The following GRID1 variants were observed in gnomAD, a reference collection of about 807,000 sequenced individuals.
The protein encoded by GRID1 is glutamate receptor ionotropic, delta-1.
A neutral mutation model predicts 98.0 loss-of-function variants in GRID1; 28 were observed. That is an observed-to-expected ratio of 0.29 (90% CI 0.21 to 0.39). GRID1 has a LOEUF of 0.39. GRID1 is among the 10% of genes least tolerant of loss of function. GRID1 has a pLI of 1.00. For missense variants in GRID1, 1,111 were observed against 1,340.5 expected, an observed-to-expected ratio of 0.83 and a Z score of 2.67; for synonymous variants, 553 against 538.5, an observed-to-expected ratio of 1.03 and a Z score of -0.37.
intron 4 of GRID1, among the ~76,000 whole-genome samples, chr10:86,003,618 T>A (rs1405631086): frequency 2.0e-5 from 3 of 152,144 alleles, no homozygotes; most frequent in Non-Finnish European, 4.4e-5. Flanking sequence ...CCAGCCCAAG[T>A]ACGCGAGGAG....
intron 12 of GRID1, among the ~76,000 whole-genome samples, chr10:85,691,899 C>T (rs1020685544): frequency 2.0e-5 from 3 of 152,128 alleles, no homozygotes; most frequent in Non-Finnish European, 4.4e-5. Context: ...TCTAAACTAC[C>T]TTGTTTCCAC....
intron 2 of GRID1, among the ~76,000 whole-genome samples, chr10:86,326,057 T>C (rs1312697324): frequency 6.6e-6 from 1 of 152,200 alleles, no homozygotes; most frequent in Non-Finnish European, 1.5e-5. Flanking sequence ...AAAATCAATA[T>C]GCAAAAATCA....
intron 12 of GRID1, among the ~76,000 whole-genome samples, chr10:85,699,338 G>A (rs1185720099): frequency 6.6e-6 from 1 of 152,202 alleles, no homozygotes; most frequent in East Asian, 1.9e-4. Flanking sequence ...ATAGGCATGA[G>A]CCACTGTGCC....
intron 8 of GRID1, among the ~76,000 whole-genome samples, chr10:85,808,175 T>C (rs1304758647): frequency 6.6e-6 from 1 of 152,096 alleles, no homozygotes; most frequent in African/African-American, 2.4e-5. Context: ...ACTCCTGCAA[T>C]AACAAGAAAA....
At chr10:85,765,999 C>A (rs1193586260) in intron 8 of GRID1, among the ~76,000 whole-genome samples, 1 of 152,186 alleles carries the variant, frequency 6.6e-6, no homozygotes, top group East Asian at 1.9e-4. Flanking sequence ...CATGCTGACT[C>A]AACTGGTCTC....
chr10:86,113,533 G>T (rs1844521756), intron 4 of GRID1, among the ~76,000 whole-genome samples: 1 of 152,222 alleles, frequency 6.6e-6, no homozygotes, highest in Non-Finnish European at 1.5e-5. Context: ...ACATGGTTCT[G>T]TTCTAATTCC....
intron 8 of GRID1, among the ~76,000 whole-genome samples, chr10:85,752,606 C>A (rs562480699): frequency 2.0e-5 from 3 of 152,216 alleles, no homozygotes; most frequent in East Asian, 1.9e-4. Context: ...TCATTATTAA[C>A]CACTATAAAT....
At chr10:85,992,372 A>C (rs1842690923) in intron 4 of GRID1, among the ~76,000 whole-genome samples, 1 of 152,218 alleles carries the variant, frequency 6.6e-6, no homozygotes, top group African/African-American at 2.4e-5. Flanking sequence ...TGCCTGGTGA[A>C]TATCACAAAG....
rs773166921 is a variant in GRID1 at position 85,727,838 on chromosome 10, C to A, written c.1533+17G>T. ...GACTAGGGTGCCCCTCCCCCTGGAT[C>A]TGCTATGGGGACCTACCTTGCTGAT... On this transcript the variant is annotated intron_variant, in intron 10 of 15. Coordinates refer to ENST00000327946, the MANE Select transcript of GRID1 (RefSeq NM_017551.3). 9 of 1,597,332 alleles carry A rather than the reference C, an allele frequency of 5.6e-6. No individual in the cohort carries two copies. The East Asian group carries it at 1.6e-4, about 28-fold the overall frequency.
chr10:86,298,170 T>C (rs1239217113), intron 2 of GRID1, among the ~76,000 whole-genome samples: 4 of 152,174 alleles, frequency 2.6e-5, no homozygotes, highest in African/African-American at 9.7e-5. Flanking sequence ...GATGTTTAAA[T>C]AAATTAAAGA....
intron 5 of GRID1, among the ~76,000 whole-genome samples, chr10:85,893,641 G>A (rs1219711541): frequency 6.6e-6 from 1 of 152,080 alleles, no homozygotes; most frequent in Admixed American, 6.6e-5. Flanking sequence ...ACAATTATAG[G>A]AAACTTATTA....
intron 2 of GRID1, among the ~76,000 whole-genome samples, chr10:86,339,026 C>G (rs1848271120): frequency 6.6e-6 from 1 of 152,166 alleles, no homozygotes; most frequent in African/African-American, 2.4e-5. Context: ...GGTTCAGATC[C>G]AGCTGGTCTG....
chr10:85,932,459 C>T (rs1168990994), intron 4 of GRID1, among the ~76,000 whole-genome samples: 2 of 152,182 alleles, frequency 1.3e-5, no homozygotes, highest in Non-Finnish European at 2.9e-5. Context: ...CAGGGATGCT[C>T]CTGCCTCAAC....
intron 3 of GRID1, among the ~76,000 whole-genome samples, chr10:86,139,563 G>C (rs1417792610): frequency 1.3e-5 from 2 of 152,156 alleles, no homozygotes; most frequent in Non-Finnish European, 1.5e-5. Flanking sequence ...CTGCATCATG[G>C]CACCCCAGCC....
intron 8 of GRID1, among the ~76,000 whole-genome samples, chr10:85,758,622 T>C (rs1387012951): frequency 6.6e-6 from 1 of 152,194 alleles, no homozygotes; most frequent in Non-Finnish European, 1.5e-5. Flanking sequence ...AGTTCTACCA[T>C]ATCCTGTGGA....
At position 85,845,627 on chromosome 10, in the gene GRID1, AG is replaced by A. The variant is rs1842998262; in HGVS notation, c.1233+8868del. ...TGAAAAATAAGTATGAAGCTTGCTC[AG>A]GTTTTCCTCCACCTCCTGACTGACC... On this transcript the variant is annotated intron_variant, in intron 8 of 15. Transcript: ENST00000327946. Among the ~76,000 whole-genome samples, 10 of 152,352 alleles carry A rather than the reference AG, an allele frequency of 6.6e-5. No homozygotes were observed. In the South Asian group the frequency reaches 2.1e-3, roughly 32 times the overall value.
chr10:85,873,221 C>T (rs557610427), intron 5 of GRID1, among the ~76,000 whole-genome samples: 16 of 152,290 alleles, frequency 1.1e-4, no homozygotes, highest in Admixed American at 1.0e-3. Context: ...ACCCCGACCT[C>T]GGGACCTTCT....
chr10:85,726,457 A>T (rs1269559503), intron 10 of GRID1, among the ~76,000 whole-genome samples: 1 of 152,082 alleles, frequency 6.6e-6, no homozygotes, highest in Non-Finnish European at 1.5e-5. Context: ...TAGTGTAGCA[A>T]CCTGGATTTC....
At position 86,283,616 on chromosome 10, in the gene GRID1, A is replaced by G. The variant is rs114410670; in HGVS notation, c.236-76968T>C. On this transcript the variant is annotated intron_variant, in intron 2 of 15. Transcript: ENST00000327946. Reference sequence around the variant, plus strand: ...ATACACATATGCAAATAAGGTGTGTACCTGCATACACATATCTGCCCTCAC... The same window carrying G: ...ATACACATATGCAAATAAGGTGTGTGCCTGCATACACATATCTGCCCTCAC... Among the ~76,000 whole-genome samples the G allele has an allele frequency of 2.1e-3, 312 of 151,180 alleles. 1 individual carries two copies. Among genetic ancestry groups the G allele is most frequent in the African/African-American group, 6.7e-3 (277 of 41,088 alleles).
Sources: gnomAD v4.1 joint callset for allele counts (sites outside exome capture counted in the v4.1 genomes callset) on GRCh38, gnomAD v4.1.1 for gene constraint, MANE v1.5 for transcripts, NCBI Gene and HGNC (gene_info 2026-07-23, HGNC 2026-07-21) for gene names.